Variants in RTTN observed in about 807,000 individuals in gnomAD.
The protein encoded by RTTN is rotatin.
Under a neutral mutation model 269.2 loss-of-function variants are expected in RTTN, and 182 were observed. That is an observed-to-expected ratio of 0.68 (90% CI 0.60 to 0.76). The LOEUF (loss-of-function observed/expected upper bound fraction) is 0.76, where lower values mean the gene tolerates loss of function less well. Ranked by LOEUF, RTTN falls within the 30% of genes least tolerant of loss-of-function variation. RTTN has a pLI of 0.00. For synonymous variants in RTTN, 1,006 were observed against 963.5 expected, an observed-to-expected ratio of 1.04 and a Z score of -0.82; for missense variants, 2,545 against 2,608.6, an observed-to-expected ratio of 0.98 and a Z score of 0.53.
At position 70,203,987 on chromosome 18, in the gene RTTN, A is replaced by T. The variant is rs1729164059; in HGVS notation, c.397+99T>A. 4.6e-6 allele frequency: 4 copies of T among 877,702 alleles called. 1 individual carries two copies. The South Asian group carries it at 7.5e-5, about 16-fold the overall frequency. The allele number at this position is 877,702 out of a possible 1,614,324, so 54.4% of individuals were successfully genotyped here. On this transcript the variant is annotated intron_variant, in intron 3 of 48. Transcript: ENST00000640769. The stretch of plus-strand genomic sequence containing the variant: ...AACACAAGAAAAATAAGTTTGGGGG[A>T]GGTGGGAGAAATCCTTTTTAAAAAA...
Position 70,197,702 on chromosome 18 carries a change from G to T in RTTN, c.615C>A (p.Asn205Lys). ...TAACATCCTTCAATAGTTCACAGGT[G>T]TTCCAGATTAAAGTGTGGTTACTAC... is the stretch of plus-strand genomic sequence containing the variant. Reference protein sequence around the residue: ...LRSSNHTLIWNTCELLKDVIM... With the variant: ...LRSSNHTLIWKTCELLKDVIM... Residue 205 changes from asparagine to lysine, a missense_variant, in exon 6 of 49, where the codon AAC becomes AAA. Transcript: ENST00000640769. 6.2e-7 allele frequency: 1 copy of T among 1,613,154 alleles called. No homozygotes were observed. The highest frequency in any genetic ancestry group is 8.5e-7 in the Non-Finnish European group (1 of 1,179,188).
intron 25 of RTTN, among the ~76,000 whole-genome samples, chr18:70,125,901 G>C (rs1404073207): frequency 6.6e-6 from 1 of 152,002 alleles, no homozygotes; most frequent in Non-Finnish European, 1.5e-5. Context: ...GGTGGATTCT[G>C]TGATATATAT....
chr18:70,161,127 A>G (rs1346972719), intron 14 of RTTN, among the ~76,000 whole-genome samples: 1 of 152,210 alleles, frequency 6.6e-6, no homozygotes, highest in Non-Finnish European at 1.5e-5. Flanking sequence ...CCAAAACAGC[A>G]TGGTACTGGT....
intron 14 of RTTN, among the ~76,000 whole-genome samples, 180 bp from the exon 15 acceptor site, chr18:70,150,913 CATATT>C (rs1210746945): frequency 6.6e-6 from 1 of 151,734 alleles, no homozygotes; most frequent in African/African-American, 2.4e-5. Context: ...GTAGGAGATA[CATATT>C]ATATTACTTT....
intron 23 of RTTN, chr18:70,131,388 A>T (rs902247668): frequency 6.6e-6 from 1 of 151,766 alleles, no homozygotes; most frequent in Non-Finnish European, 1.5e-5. Flanking sequence ...ATAAAAGAAA[A>T]AAAAAAGAAG....
At chr18:70,185,059 A>G (rs1281468193) in intron 10 of RTTN, among the ~76,000 whole-genome samples, 1 of 152,120 alleles carries the variant, frequency 6.6e-6, no homozygotes, top group African/African-American at 2.4e-5. Context: ...AGATTCCAGA[A>G]GTAAACCCAC....
chr18:70,205,221 C>T lies in RTTN; in HGVS notation c.126G>A (p.Glu42=), dbSNP rs1189462555. The T allele has an allele frequency of 6.2e-7, 1 of 1,614,214 alleles. No homozygotes were observed. Among genetic ancestry groups the T allele is most frequent in the Admixed American group, 1.7e-5 (1 of 60,024 alleles). Reference sequence around the variant, plus strand: ...CCAGCAAATGAAGAAAAAGTTGCCTCTCCTGAATGAGATCAGCGTAGCAGA... The same window carrying T: ...CCAGCAAATGAAGAAAAAGTTGCCTTTCCTGAATGAGATCAGCGTAGCAGA... The part of the protein sequence containing the change: ...NLICYADLIQ[E]RQLFLHLLEW... Residue 42 remains glutamate (E), a synonymous_variant, in exon 2 of 49, where the codon GAG becomes GAA. Coordinates refer to ENST00000640769, the MANE Select transcript of RTTN (RefSeq NM_173630.4).
At chr18:70,194,830 T>G (rs558819466) in intron 7 of RTTN, 3 of 152,208 alleles carry the variant, frequency 2.0e-5, no homozygotes, top group Non-Finnish European at 1.5e-5. Flanking sequence ...TGATTAGAGT[T>G]TCTGTTTCAG....
chr18:70,130,896 G>T (rs1479315436), intron 23 of RTTN: 1 of 151,698 alleles, frequency 6.6e-6, no homozygotes, highest in African/African-American at 2.4e-5. Flanking sequence ...AATATCACAT[G>T]TACTCCATAA....
chr18:70,146,803 C>T (rs919528646), intron 17 of RTTN, among the ~76,000 whole-genome samples: 2 of 152,256 alleles, frequency 1.3e-5, no homozygotes, highest in Middle Eastern at 6.8e-3. Context: ...TAGTAAGACA[C>T]CCAATAAATA....
In RTTN at chr18:70,059,860, G is replaced by C; in HGVS notation, c.4930C>G (p.Leu1644Val). 6.2e-7 allele frequency: 1 copy of C among 1,604,098 alleles called. No homozygotes were observed. Among genetic ancestry groups the C allele is most frequent in the Non-Finnish European group, 8.5e-7 (1 of 1,174,802 alleles). ...GTATTTATCTCTTACCTACAGAGAA[G>C]TTCTATGAGATGAGCTTGTCGAAAA... The part of the protein sequence containing the change: ...KAFRQAHLIE[L>V]LCSIADATLI... Residue 1644 changes from leucine (L) to valine (V), a missense_variant, in exon 36 of 49, where the codon CTT becomes GTT. Leu to Val is a conservative substitution (Grantham distance 32). Coordinates refer to ENST00000640769, the MANE Select transcript of RTTN (RefSeq NM_173630.4).
At chr18:70,149,151 G>T in intron 16 of RTTN, 114 bp from the exon 17 acceptor site, 1 of 844,388 alleles carries the variant, frequency 1.2e-6, no homozygotes, top group Non-Finnish European at 1.8e-6. Context: ...TTTGGATTCA[G>T]TTGAATAAAA....
intron 4 of RTTN, among the ~76,000 whole-genome samples, chr18:70,200,407 T>A (rs1280300114): frequency 6.6e-6 from 1 of 152,084 alleles, no homozygotes. Flanking sequence ...ACAATCTCAA[T>A]CCCCCTTAAT....
chr18:70,044,665 T>C (rs771644100), intron 40 of RTTN, among the ~76,000 whole-genome samples: 2 of 152,188 alleles, frequency 1.3e-5, no homozygotes, highest in South Asian at 2.1e-4. Flanking sequence ...CCTCTCTGTC[T>C]CTCTCTCTAA....
intron 40 of RTTN, among the ~76,000 whole-genome samples, chr18:70,041,842 G>A (rs913069939): frequency 1.3e-5 from 2 of 152,084 alleles, no homozygotes; most frequent in African/African-American, 2.4e-5. Context: ...ATAACATTTG[G>A]CAGTTGGGTT....
intron 40 of RTTN, among the ~76,000 whole-genome samples, chr18:70,037,179 C>T (rs1241451574): frequency 6.6e-6 from 1 of 152,174 alleles, no homozygotes; most frequent in East Asian, 1.9e-4. Context: ...CCTAGGTAAA[C>T]TTGAAAGGCA....
chr18:70,025,198 TAAGTA>T (rs1368788582), intron 43 of RTTN, among the ~76,000 whole-genome samples: 2 of 152,220 alleles, frequency 1.3e-5, no homozygotes, highest in South Asian at 2.1e-4. Flanking sequence ...AATTTCTGGT[TAAGTA>T]AACATTCTGA....
rs1175738098 is a variant in RTTN at position 70,189,463 on chromosome 18, C to CTTAT, written c.1189+1071_1189+1074dup. On this transcript the variant is annotated intron_variant, in intron 9 of 48. Transcript: ENST00000640769. The stretch of plus-strand genomic sequence containing the variant: ...AGTAAAAAGGGCAAAACTTGGTTAT[C>CTTAT]TTATTTATATCCTGATGAGTTTATC... Among the ~76,000 whole-genome samples, 3 of 152,250 alleles carry CTTAT rather than the reference C, an allele frequency of 2.0e-5. No individual in the cohort carries two copies. The East Asian group carries it at 5.8e-4, about 29-fold the overall frequency.
At chr18:70,114,771 T>G (rs1323706202) in intron 26 of RTTN, among the ~76,000 whole-genome samples, 172 bp from the exon 27 acceptor site, 1 of 152,024 alleles carries the variant, frequency 6.6e-6, no homozygotes, top group Non-Finnish European at 1.5e-5. Context: ...GTTTAATATA[T>G]TCTCAACAAA....
Sources: gnomAD v4.1 joint callset for allele counts (sites outside exome capture counted in the v4.1 genomes callset) on GRCh38, gnomAD v4.1.1 for gene constraint, MANE v1.5 for transcripts, NCBI Gene and HGNC (gene_info 2026-07-23, HGNC 2026-07-21) for gene names.